FSTL5: variants seen among roughly 807,000 people sequenced by gnomAD.
FSTL5 encodes the protein follistatin like 5.
Under a neutral mutation model 89.1 loss-of-function variants are expected in FSTL5, and 62 were observed. That is an observed-to-expected ratio of 0.70 (90% CI 0.57 to 0.86). FSTL5 has a LOEUF of 0.86. Among genes scored for constraint, FSTL5 ranks in the 40% least tolerant of loss-of-function variants. The probability of loss-of-function intolerance (pLI) is 0.00; values close to 1 mark genes in which losing one functional copy is unlikely to be tolerated. For synonymous variants in FSTL5, 383 were observed against 346.2 expected (o/e 1.11, Z -1.18); for missense variants, 1,057 against 1,001.6 (o/e 1.06, Z -0.75).
intron 1 of FSTL5, among the ~76,000 whole-genome samples, chr4:162,140,707 AC>A (rs1732695048): frequency 3.3e-5 from 5 of 152,290 alleles, no homozygotes; most frequent in Admixed American, 2.6e-4. Flanking sequence ...CTTAAGAGTA[AC>A]ATAATCGATG....
intron 7 of FSTL5, among the ~76,000 whole-genome samples, chr4:161,603,986 A>C (rs1734346990): frequency 6.6e-6 from 1 of 152,168 alleles, no homozygotes. Context: ...GTACAGGAAT[A>C]GATCAATAAC....
chr4:161,577,602 G>A (rs538133512), intron 8 of FSTL5, among the ~76,000 whole-genome samples: 36 of 152,036 alleles, frequency 2.4e-4, no homozygotes, highest in African/African-American at 7.7e-4. Context: ...GATACGAGAA[G>A]TTGGAATTCA....
chr4:161,547,323 T>C (rs1318497418), intron 8 of FSTL5, among the ~76,000 whole-genome samples: 1 of 152,072 alleles, frequency 6.6e-6, no homozygotes, highest in Admixed American at 6.6e-5. Flanking sequence ...ATTTCTCTGT[T>C]TATTATTGCA....
At chr4:162,085,582 A>C (rs1156419953) in intron 2 of FSTL5, among the ~76,000 whole-genome samples, 2 of 152,124 alleles carry the variant, frequency 1.3e-5, no homozygotes, top group African/African-American at 4.8e-5. Flanking sequence ...TCCAGCATCC[A>C]ATACGTATCT....
chr4:161,531,761 A>C (rs1232546934), intron 10 of FSTL5, among the ~76,000 whole-genome samples: 1 of 152,198 alleles, frequency 6.6e-6, no homozygotes, highest in African/African-American at 2.4e-5. Flanking sequence ...TTGAATGCAT[A>C]AAAATGGATG....
At chr4:162,087,908 C>G (rs1730385366) in intron 2 of FSTL5, among the ~76,000 whole-genome samples, 1 of 151,554 alleles carries the variant, frequency 6.6e-6, no homozygotes. Flanking sequence ...AAATAAATTG[C>G]TTTGTCACAG....
At chr4:161,847,448 T>C (rs977805481) in intron 4 of FSTL5, among the ~76,000 whole-genome samples, 1 of 152,114 alleles carries the variant, frequency 6.6e-6, no homozygotes, top group Admixed American at 6.6e-5. Context: ...AGGTCACATA[T>C]ATATAAAAGT....
intron 12 of FSTL5, among the ~76,000 whole-genome samples, chr4:161,491,927 T>C (rs757565231): frequency 2.0e-5 from 3 of 151,948 alleles, no homozygotes; most frequent in Non-Finnish European, 4.4e-5. Flanking sequence ...TCAGGCAATA[T>C]AGTTCTGCTG....
intron 3 of FSTL5, among the ~76,000 whole-genome samples, chr4:161,971,807 T>C (rs1273002846): frequency 1.3e-5 from 2 of 152,198 alleles, no homozygotes; most frequent in Non-Finnish European, 2.9e-5. Flanking sequence ...ATAATGATTT[T>C]ATGTTAGTAA....
At chr4:161,973,911 C>G (rs1410717274) in intron 3 of FSTL5, among the ~76,000 whole-genome samples, 1 of 152,130 alleles carries the variant, frequency 6.6e-6, no homozygotes, top group Non-Finnish European at 1.5e-5. Flanking sequence ...TCAGCAAAGT[C>G]TCAGGATACA....
intron 3 of FSTL5, chr4:162,022,746 C>T (rs1737136929): frequency 6.6e-6 from 1 of 152,064 alleles, no homozygotes; most frequent in African/African-American, 2.4e-5. Flanking sequence ...ATTCTAAACC[C>T]CTGGAAAGAG....
chr4:161,476,850 G>C (rs1406268895), intron 13 of FSTL5, among the ~76,000 whole-genome samples: 15 of 152,292 alleles, frequency 9.8e-5, no homozygotes, highest in Non-Finnish European at 1.8e-4. Flanking sequence ...GAAATCAGAA[G>C]TGTCAATCAA....
chr4:161,558,604 G>A (rs924969559), intron 8 of FSTL5, among the ~76,000 whole-genome samples: 1 of 151,766 alleles, frequency 6.6e-6, no homozygotes, highest in East Asian at 2.0e-4. Context: ...TACTCTCTGC[G>A]TCCACACCGT....
chr4:162,062,474 C>T (rs1479377537), intron 2 of FSTL5, among the ~76,000 whole-genome samples: 2 of 151,730 alleles, frequency 1.3e-5, no homozygotes, highest in Non-Finnish European at 2.9e-5. Context: ...ACCGGCCTTC[C>T]TGCCTTAGAA....
At chr4:161,929,660 CGTGTGTGTGT>C (rs765281533) in intron 3 of FSTL5, among the ~76,000 whole-genome samples, 42 of 126,936 alleles carry the variant, frequency 3.3e-4, no homozygotes, top group East Asian at 5.1e-4. Context: ...TAGGTAGGCA[CGTGTGTGTGT>C]GTGTGTGTGT....
At chr4:161,755,975 AT>A (rs1331497778) in intron 6 of FSTL5, among the ~76,000 whole-genome samples, 1 of 152,052 alleles carries the variant, frequency 6.6e-6, no homozygotes, top group Non-Finnish European at 1.5e-5. Context: ...AGTATTTATA[AT>A]TCTCATTAAA....
intron 3 of FSTL5, among the ~76,000 whole-genome samples, chr4:161,961,997 TTA>T (rs1175999254): frequency 6.6e-6 from 1 of 151,906 alleles, no homozygotes; most frequent in Non-Finnish European, 1.5e-5. Context: ...TGCAAATATA[TTA>T]TGTGTTGACC....
chr4:161,402,773 C>T (rs926417251), intron 15 of FSTL5, among the ~76,000 whole-genome samples: 3 of 152,032 alleles, frequency 2.0e-5, no homozygotes, highest in South Asian at 2.1e-4. Flanking sequence ...TCTTTGAACC[C>T]CATTTGTTTT....
rs1228120988 is a variant in FSTL5, at chr4:161,386,348, A to G, written c.1943T>C (p.Val648Ala). The G allele has an allele frequency of 6.2e-7, 1 of 1,613,924 alleles. No homozygotes were observed. The highest frequency in any genetic ancestry group is 2.2e-5 in the East Asian group (1 of 44,840). The change falls in exon 16 of 16, where the codon GTT (valine) becomes GCT (alanine). Residue 648 changes from valine to alanine, a missense_variant. Physicochemically the swap from Val to Ala is moderately conservative, Grantham distance 64. Around this residue, in one of 3 missense-constraint regions of FSTL5, gnomAD observed 980 missense variants for 903.2 expected, o/e 1.08. Transcript: ENST00000306100. The part of the protein sequence containing the change: ...KTINLKDYKC[V>A]PQSLAYTHLG... ...GTGTGTATATGCCAATGACTGAGGAACGCACTTATAGTCCTTCAAGTTAAT... is the reference window on the plus strand; with the variant it reads ...GTGTGTATATGCCAATGACTGAGGAGCGCACTTATAGTCCTTCAAGTTAAT...
Sources: allele counts gnomAD v4.1 joint callset (sites outside exome capture counted in the v4.1 genomes callset), GRCh38; gene constraint gnomAD v4.1.1; regional missense constraint gnomAD v4.1.1; transcripts MANE v1.5; gene names NCBI Gene and HGNC (gene_info 2026-07-23, HGNC 2026-07-21).